The following PCGF5 variants were observed in gnomAD, a reference collection of about 807,000 sequenced individuals.
The protein encoded by PCGF5 is polycomb group ring finger 5, also known as polycomb group RING finger protein 5.
Under a neutral mutation model 44.3 loss-of-function variants are expected in PCGF5, and 9 were observed. The ratio of observed to expected loss-of-function variants is 0.20; its 90% CI spans 0.12 to 0.35. PCGF5 has a LOEUF of 0.35. Ranked by LOEUF, PCGF5 falls within the 10% of genes least tolerant of loss-of-function variation. PCGF5 has a pLI of 1.00. For synonymous variants in PCGF5, 95 were observed against 102.5 expected (o/e 0.93, Z 0.44); for missense variants, 146 against 305.3 (o/e 0.48, Z 3.89).
chr10:91,241,512 G>A (rs770064948), intron 3 of PCGF5, among the ~76,000 whole-genome samples: 13 of 152,072 alleles, frequency 8.5e-5, no homozygotes, highest in African/African-American at 1.7e-4. Context: ...GCTACAGGCC[G>A]TATGTCCTCA....
At position 91,276,379 on chromosome 10, in the gene PCGF5, T is replaced by G. The variant is rs115336884; in HGVS notation, c.724-1890T>G. ...TTTATTTTTATTACATAATGAGCCT[T>G]GAGGACTAGAAACTGAAACGCAGGT... On this transcript the variant is annotated intron_variant, in intron 9 of 9. Coordinates refer to ENST00000336126, the MANE Select transcript of PCGF5 (RefSeq NM_032373.5). Among the ~76,000 whole-genome samples the G allele has an allele frequency of 3.9e-5, 6 of 152,266 alleles. No individual in the cohort carries two copies. The South Asian group carries it at 1.2e-3, about 32-fold the overall frequency.
chr10:91,279,745 C>T lies in PCGF5; in HGVS notation c.*1429C>T, dbSNP rs866459362. On this transcript the variant is annotated 3_prime_UTR_variant, in exon 10 of 10. Transcript: ENST00000336126. ...AAAAATATTTGAGAAATATGACGAG[C>T]ACAATCTGTGTGTTACACACATTTA... 3 of 152,048 alleles carry T rather than the reference C, an allele frequency of 2.0e-5. No individual in the cohort carries two copies. The highest frequency in any genetic ancestry group is 7.2e-5 in the African/African-American group (3 of 41,422). The allele number at this position is 152,048 out of a possible 1,614,324, so 9.4% of individuals were successfully genotyped here. A position where few individuals can be genotyped will look rare whatever the true frequency, so the allele number is the denominator to read the frequency against.
chr10:91,200,975 T>C (rs560447159), intron 1 of PCGF5, among the ~76,000 whole-genome samples: 3 of 152,028 alleles, frequency 2.0e-5, no homozygotes, highest in Non-Finnish European at 2.9e-5. Context: ...TGGTCAGAGC[T>C]TGGGCAAGCA....
chr10:91,277,275 T>A lies in PCGF5; in HGVS notation c.724-994T>A, dbSNP rs142269656. 7.2e-3 allele frequency among the ~76,000 whole-genome samples: 1,090 copies of A among 152,346 alleles called. 12 individuals carry two copies. Among genetic ancestry groups the A allele is most frequent in the African/African-American group, 0.025 (1,020 of 41,564 alleles). Reference sequence around the variant, plus strand: ...GTTAAATCTCAGTCTAGCCCTTTTATCTATATGAAAGAATACAAAGTTCTC... The same window carrying A: ...GTTAAATCTCAGTCTAGCCCTTTTAACTATATGAAAGAATACAAAGTTCTC... On this transcript the variant is annotated intron_variant, in intron 9 of 9. Transcript: ENST00000336126.
intron 9 of PCGF5, 48 bp downstream of exon 9, chr10:91,271,745 G>A (rs35609498): frequency 0.056 from 82,934 of 1,479,804 alleles, 2,746 homozygotes; most frequent in African/African-American, 0.11. Flanking sequence ...ACACCATGGC[G>A]GTGAGCACAT....
chr10:91,176,073 G>A (rs1455786442), intron 1 of PCGF5, among the ~76,000 whole-genome samples: 1 of 152,124 alleles, frequency 6.6e-6, no homozygotes, highest in Admixed American at 6.5e-5. Context: ...CATGTTTAGT[G>A]CTTCCTTCAG....
Position 91,283,239 on chromosome 10 carries a change from T to G in PCGF5, c.*4923T>G, listed in dbSNP as rs1407578790. 1 of 152,198 alleles carries G rather than the reference T, an allele frequency of 6.6e-6. No individual in the cohort carries two copies. Among genetic ancestry groups the G allele is most frequent in the Non-Finnish European group, 1.5e-5 (1 of 68,034 alleles). The allele number at this position is 152,198 out of a possible 1,614,324, so 9.4% of individuals were successfully genotyped here. ...CTTTCTTTATATTTTCAAATAAAATTAAAATGCTCGAGCACTTCCTTTCAG... is the reference window on the plus strand; with the variant it reads ...CTTTCTTTATATTTTCAAATAAAATGAAAATGCTCGAGCACTTCCTTTCAG... On this transcript the variant is annotated 3_prime_UTR_variant, in exon 10 of 10. Coordinates refer to ENST00000336126, the MANE Select transcript of PCGF5 (RefSeq NM_032373.5).
intron 9 of PCGF5, among the ~76,000 whole-genome samples, chr10:91,272,470 C>A (rs1846201782): frequency 6.8e-6 from 1 of 146,422 alleles, no homozygotes. Context: ...TATAGCAAGA[C>A]AAAAAAAAAT....
At chr10:91,197,410 G>A (rs1844155250) in intron 1 of PCGF5, among the ~76,000 whole-genome samples, 1 of 152,116 alleles carries the variant, frequency 6.6e-6, no homozygotes, top group Admixed American at 6.5e-5. Flanking sequence ...AATCTCCACG[G>A]GCAGTGTTAT....
upstream of PCGF5, among the ~76,000 whole-genome samples, chr10:91,160,676 CAAAG>C (rs1311183183): frequency 6.6e-6 from 1 of 151,110 alleles, no homozygotes; most frequent in East Asian, 1.9e-4. Flanking sequence ...TATGGGAACA[CAAAG>C]AAAAAACGAG....
chr10:91,189,968 T>C (rs1037576802), intron 1 of PCGF5, among the ~76,000 whole-genome samples: 3 of 152,196 alleles, frequency 2.0e-5, no homozygotes, highest in African/African-American at 7.2e-5. Flanking sequence ...AGACAGAAAT[T>C]AAAGTGTATC....
chr10:91,261,785 A>G (rs1348341226), intron 7 of PCGF5, among the ~76,000 whole-genome samples: 2 of 152,198 alleles, frequency 1.3e-5, no homozygotes, highest in East Asian at 1.9e-4. Context: ...CCAATTCTTT[A>G]TAGACTTCTT....
chr10:91,240,685 A>G, intron 3 of PCGF5, 105 bp downstream of exon 3: 2 of 591,394 alleles, frequency 3.4e-6, no homozygotes, highest in Non-Finnish European at 5.7e-6. Flanking sequence ...CTCAGTTAAT[A>G]TAGGACTTAT....
intron 3 of PCGF5, among the ~76,000 whole-genome samples, chr10:91,245,303 A>G (rs533191579): frequency 2.6e-5 from 4 of 152,292 alleles, no homozygotes; most frequent in East Asian, 1.9e-4. Flanking sequence ...CTGAGAATTC[A>G]TGGTTGGATT....
rs1168830407 is a variant in PCGF5 at position 91,264,535 on chromosome 10, TA to T, written c.663+16del. ...GAGGCGAAAACGTAAATTGCTTTTATATTTACCTATGTGTTTATTTAGTTAT... is the reference window on the plus strand; with the variant it reads ...GAGGCGAAAACGTAAATTGCTTTTATTTTACCTATGTGTTTATTTAGTTAT... On this transcript the variant is annotated intron_variant, in intron 8 of 9. Transcript: ENST00000336126. 1 of 1,564,644 alleles carries T rather than the reference TA, an allele frequency of 6.4e-7. No homozygotes were observed. The highest frequency in any genetic ancestry group is 1.4e-5 in the African/African-American group (1 of 72,276).
At chr10:91,268,446 G>A (rs373540014) in intron 8 of PCGF5, among the ~76,000 whole-genome samples, 5 of 152,054 alleles carry the variant, frequency 3.3e-5, no homozygotes, top group South Asian at 2.1e-4. Flanking sequence ...CTGGCATTGC[G>A]TTATATTTCT....
At chr10:91,255,950 A>G (rs1845740806) in intron 6 of PCGF5, among the ~76,000 whole-genome samples, 2 of 152,020 alleles carry the variant, frequency 1.3e-5, no homozygotes, top group Non-Finnish European at 2.9e-5. Context: ...TACAATGCAA[A>G]TGCTATGTAA....
chr10:91,250,971 C>A (rs1845609386), intron 5 of PCGF5, among the ~76,000 whole-genome samples: 1 of 151,606 alleles, frequency 6.6e-6, no homozygotes, highest in Non-Finnish European at 1.5e-5. Context: ...TATATTCTGT[C>A]CACTTTCTAA....
chr10:91,207,145 A>G (rs1206657821), intron 1 of PCGF5, among the ~76,000 whole-genome samples: 1 of 152,194 alleles, frequency 6.6e-6, no homozygotes, highest in African/African-American at 2.4e-5. Flanking sequence ...CCCTTTTCCT[A>G]AAAACCTTTT....
Sources: allele counts gnomAD v4.1 joint callset (sites outside exome capture counted in the v4.1 genomes callset), GRCh38; gene constraint gnomAD v4.1.1; transcripts MANE v1.5; gene names NCBI Gene and HGNC (gene_info 2026-07-23, HGNC 2026-07-21).